Variants in NDUFAF2 observed in about 807,000 individuals in gnomAD.
The protein encoded by NDUFAF2 is NADH dehydrogenase [ubiquinone] 1 alpha subcomplex assembly factor 2.
NDUFAF2 carries 13 observed loss-of-function variants against 22.8 expected under a neutral mutation model. The ratio of observed to expected loss-of-function variants is 0.57; its 90% CI spans 0.37 to 0.91. The LOEUF (loss-of-function observed/expected upper bound fraction) is 0.91, where lower values mean the gene tolerates loss of function less well. Among genes scored for constraint, NDUFAF2 ranks in the 40% least tolerant of loss-of-function variants. The pLI, the probability that NDUFAF2 is intolerant of heterozygous loss-of-function variation, is 0.01. For synonymous variants in NDUFAF2, 53 were observed against 64.2 expected, an observed-to-expected ratio of 0.83 and a Z score of 0.84; for missense variants, 162 against 195.2, an observed-to-expected ratio of 0.83 and a Z score of 1.01.
At chr5:60,946,275 T>C (rs1750452819) in intron 1 of NDUFAF2, among the ~76,000 whole-genome samples, 1 of 152,168 alleles carries the variant, frequency 6.6e-6, no homozygotes. Flanking sequence ...GAAAAAGTAC[T>C]TGTCCTCTCC....
chr5:61,016,368 T>C (rs540345850), intron 1 of NDUFAF2, among the ~76,000 whole-genome samples: 11 of 152,202 alleles, frequency 7.2e-5, no homozygotes, highest in African/African-American at 2.6e-4. Context: ...AAACTATATA[T>C]TGGGGGACAT....
chr5:60,993,516 T>A (rs1751187821), intron 1 of NDUFAF2, among the ~76,000 whole-genome samples: 1 of 152,170 alleles, frequency 6.6e-6, no homozygotes, highest in African/African-American at 2.4e-5. Context: ...AAGAGGAGCA[T>A]CACTGAGTGA....
intron 1 of NDUFAF2, among the ~76,000 whole-genome samples, chr5:61,047,839 CTAGAGT>C (rs1303656226): frequency 6.6e-6 from 1 of 151,980 alleles, no homozygotes; most frequent in Non-Finnish European, 1.5e-5. Flanking sequence ...CTGTATGTGC[CTAGAGT>C]TAAAGTGGCA....
intron 1 of NDUFAF2, among the ~76,000 whole-genome samples, chr5:60,974,103 G>A (rs1272788343): frequency 2.6e-5 from 4 of 152,174 alleles, no homozygotes; most frequent in African/African-American, 9.7e-5. Context: ...TTGAGTCAGT[G>A]GACTGGGAGG....
At chr5:61,048,701 T>C (rs907525684) in intron 1 of NDUFAF2, among the ~76,000 whole-genome samples, 4 of 152,188 alleles carry the variant, frequency 2.6e-5, no homozygotes, top group Non-Finnish European at 5.9e-5. Flanking sequence ...TAAGAATTCT[T>C]CCTGTAACCT....
At chr5:61,107,512 A>G (rs938818967) in intron 3 of NDUFAF2, among the ~76,000 whole-genome samples, 5 of 151,142 alleles carry the variant, frequency 3.3e-5, no homozygotes, top group African/African-American at 9.9e-5. Context: ...GTAGTTTGCA[A>G]ATATGTTCTC....
At chr5:61,150,010 A>G (rs1579855741) in intron 3 of NDUFAF2, among the ~76,000 whole-genome samples, 1 of 151,846 alleles carries the variant, frequency 6.6e-6, no homozygotes, top group Non-Finnish European at 1.5e-5. Flanking sequence ...GCTCACTGCA[A>G]CCTCCACCTC....
rs760096707 is a variant in NDUFAF2 at position 61,106,053 on chromosome 5, G to A, written c.258+7021G>A. Reference sequence around the variant, plus strand: ...AAAACAATGACCTAGTTAAAAATCCGTTTAAGAAGCAATTAGATGCTAACC... The same window carrying A: ...AAAACAATGACCTAGTTAAAAATCCATTTAAGAAGCAATTAGATGCTAACC... On this transcript the variant is annotated intron_variant, in intron 3 of 3. Transcript: ENST00000296597. Among the ~76,000 whole-genome samples the A allele has an allele frequency of 5.6e-4, 85 of 151,496 alleles. 5 individuals are homozygous for A. Among genetic ancestry groups the A allele is most frequent in the African/African-American group, 1.7e-3 (71 of 40,888 alleles).
In NDUFAF2 at chr5:61,066,627, G is replaced by A. The variant is rs144626945; in HGVS notation, c.128-6498G>A. The stretch of plus-strand genomic sequence containing the variant: ...TCAAAAAAAATTTGATGAAAAATCT[G>A]CGGATGATCAATTCACTTATATAAC... On this transcript the variant is annotated intron_variant, in intron 1 of 3. Transcript: ENST00000296597. Among the ~76,000 whole-genome samples the A allele has an allele frequency of 2.4e-3, 362 of 152,038 alleles. 1 individual carries two copies. The highest frequency in any genetic ancestry group is 8.3e-3 in the African/African-American group (345 of 41,494).
chr5:61,144,435 A>G (rs1462901831), intron 3 of NDUFAF2, among the ~76,000 whole-genome samples: 1 of 152,180 alleles, frequency 6.6e-6, no homozygotes, highest in Admixed American at 6.5e-5. Flanking sequence ...CATAATTTGT[A>G]TTTACCTTTT....
intron 1 of NDUFAF2, among the ~76,000 whole-genome samples, chr5:60,980,882 G>A (rs774726987): frequency 9.2e-5 from 14 of 151,802 alleles, no homozygotes; most frequent in Non-Finnish European, 1.8e-4. Context: ...AAAAATATAC[G>A]GTCAAAGGAG....
At chr5:61,136,390 G>A (rs528646798) in intron 3 of NDUFAF2, among the ~76,000 whole-genome samples, 4 of 152,040 alleles carry the variant, frequency 2.6e-5, no homozygotes, top group African/African-American at 9.7e-5. Flanking sequence ...GACTTATTTG[G>A]GAAGTGTTTC....
chr5:61,014,030 T>A (rs1469409856), intron 1 of NDUFAF2, among the ~76,000 whole-genome samples: 2 of 152,214 alleles, frequency 1.3e-5, no homozygotes, highest in African/African-American at 4.8e-5. Flanking sequence ...TCTGGAGTGA[T>A]GAGAGTGTTT....
chr5:61,086,291 A>G (rs1752504633), intron 2 of NDUFAF2, among the ~76,000 whole-genome samples: 1 of 152,204 alleles, frequency 6.6e-6, no homozygotes, highest in Admixed American at 6.5e-5. Flanking sequence ...CAAAATACTA[A>G]CAGCCTTTTT....
At chr5:61,072,227 G>T (rs951885315) in intron 1 of NDUFAF2, among the ~76,000 whole-genome samples, 34 of 152,298 alleles carry the variant, frequency 2.2e-4, no homozygotes, top group Middle Eastern at 3.4e-3. Context: ...GCTTGTAAGT[G>T]GTCACCATCA....
chr5:60,985,954 T>C (rs2112582130), intron 1 of NDUFAF2, among the ~76,000 whole-genome samples: 1 of 152,288 alleles, frequency 6.6e-6, no homozygotes, highest in Non-Finnish European at 1.5e-5. Flanking sequence ...AGGAGATATC[T>C]CATTCCAGCT....
intron 3 of NDUFAF2, among the ~76,000 whole-genome samples, chr5:61,111,951 G>A (rs1345722032): frequency 3.3e-5 from 5 of 151,848 alleles, no homozygotes; most frequent in African/African-American, 4.8e-5. Context: ...TAGAGACAGC[G>A]TTTCTGCATG....
chr5:61,140,329 C>G (rs566270307), intron 3 of NDUFAF2, among the ~76,000 whole-genome samples: 3 of 152,282 alleles, frequency 2.0e-5, no homozygotes, highest in Middle Eastern at 3.4e-3. Flanking sequence ...GGTTCCTGCC[C>G]TAATGATTTT....
chr5:60,971,932 C>T (rs1406966772), intron 1 of NDUFAF2, among the ~76,000 whole-genome samples: 1 of 151,198 alleles, frequency 6.6e-6, no homozygotes, highest in African/African-American at 2.4e-5. Flanking sequence ...TCTTTTTGCC[C>T]CCCTCCCTTT....
Sources: gnomAD v4.1 joint callset for allele counts (sites outside exome capture counted in the v4.1 genomes callset) on GRCh38, gnomAD v4.1.1 for gene constraint, MANE v1.5 for transcripts, NCBI Gene and HGNC (gene_info 2026-07-23, HGNC 2026-07-21) for gene names.